The following DAB2IP variants were observed in gnomAD, a reference collection of about 807,000 sequenced individuals.
DAB2IP encodes the protein DAB2 interacting protein.
Under a neutral mutation model 107.2 loss-of-function variants are expected in DAB2IP, and 28 were observed. That is an observed-to-expected ratio of 0.26 (90% CI 0.19 to 0.36). The LOEUF is 0.36. Among genes scored for constraint, DAB2IP ranks in the 10% least tolerant of loss-of-function variants. The pLI is 1.00. For synonymous variants in DAB2IP, 755 were observed against 706.4 expected (o/e 1.07, Z -1.09); for missense variants, 1,400 against 1,644.7 (o/e 0.85, Z 2.57).
chr9:121,688,280 C>T (rs575070007), intron 2 of DAB2IP, among the ~76,000 whole-genome samples: 11 of 152,346 alleles, frequency 7.2e-5, no homozygotes, highest in African/African-American at 2.2e-4. Flanking sequence ...TTTCCAAAGC[C>T]AGGAGGCCCT....
At position 121,575,156 on chromosome 9, in the gene DAB2IP, G is replaced by A. The variant is rs183632258; in HGVS notation, c.40+7928G>A. 511 of 152,354 alleles carry A rather than the reference G, an allele frequency of 3.4e-3. 13 individuals are homozygous for A. Among genetic ancestry groups the A allele is most frequent in the Admixed American group, 0.031 (480 of 15,282 alleles). 9.4% of individuals were successfully genotyped at this position (152,354 alleles called of 1,614,324 possible). On this transcript the variant is annotated intron_variant, in intron 1 of 16. Transcript: ENST00000259371. ...GGGAGCACCTATGTGCATAGGACGC[G>A]GACATTTCACTTCCCATAGGCTCCT...
chr9:121,760,542 G>A lies in DAB2IP; in HGVS notation c.1170+103G>A, dbSNP rs1311431850. Reference sequence around the variant, plus strand: ...TTTCAGGCCTAACAGAGGCCTTGGAGGCACCGGTCACTACCAGAAGGGCTC... The same window carrying A: ...TTTCAGGCCTAACAGAGGCCTTGGAAGCACCGGTCACTACCAGAAGGGCTC... On this transcript the variant is annotated intron_variant, in intron 6 of 15. Transcript: ENST00000408936. This position sits in a 1 kb window ranked among gnomAD's most constrained non-coding sequence, Gnocchi z 5.9. 7.3e-7 allele frequency: 1 copy of A among 1,373,392 alleles called. No individual in the cohort carries two copies. Among genetic ancestry groups the A allele is most frequent in the Non-Finnish European group, 9.6e-7 (1 of 1,040,674 alleles). 85.1% of individuals were successfully genotyped at this position (1,373,392 alleles called of 1,614,324 possible).
intron 3 of DAB2IP, among the ~76,000 whole-genome samples, chr9:121,706,793 A>G (rs946791308): frequency 6.6e-6 from 1 of 152,204 alleles, no homozygotes; most frequent in African/African-American, 2.4e-5. Flanking sequence ...TTGTGTATAC[A>G]GGCCATGCCA....
chr9:121,662,354 T>TG lies in DAB2IP; in HGVS notation c.124+10455_124+10456insG, dbSNP rs1170180182. On this transcript the variant is annotated intron_variant, in intron 1 of 15. Transcript: ENST00000408936. The surrounding 1 kb of genome is among the most constrained non-coding windows in gnomAD (Gnocchi z 4.6). ...TGGCCAAACCCAGCCCCTCATCTGT[T>TG]TCTGTATGACTTGTGAGCCAAGAAT... Among the ~76,000 whole-genome samples, 26 of 152,198 alleles carry TG rather than the reference T, an allele frequency of 1.7e-4. No homozygotes were observed. The highest frequency in any genetic ancestry group is 6.3e-4 in the African/African-American group (26 of 41,442).
intron 3 of DAB2IP, among the ~76,000 whole-genome samples, chr9:121,700,462 A>T (rs1275009656): frequency 6.6e-6 from 1 of 152,144 alleles, no homozygotes; most frequent in East Asian, 1.9e-4. Flanking sequence ...GTGGAGGTGA[A>T]AGTACGGGCA....
chr9:121,646,266 C>T (rs1233300189), intron 1 of DAB2IP, among the ~76,000 whole-genome samples: 1 of 152,092 alleles, frequency 6.6e-6, no homozygotes, highest in African/African-American at 2.4e-5. Context: ...GTGGTGGTCG[C>T]CTGGCTAGCC....
intron 3 of DAB2IP, among the ~76,000 whole-genome samples, chr9:121,716,192 C>A (rs1041399175): frequency 8.5e-5 from 13 of 152,178 alleles, no homozygotes; most frequent in Non-Finnish European, 1.6e-4. Flanking sequence ...GGGTCACAGG[C>A]CTCCAAGGGA....
intron 3 of DAB2IP, chr9:121,737,176 T>TCTGTGCTCTGGCCTGCA: frequency 1.1e-6 from 1 of 921,158 alleles, no homozygotes; most frequent in Non-Finnish European, 1.3e-6. Flanking sequence ...GACCCAGACC[T>TCTGTGCTCTGGCCTGCA]CTGTGCTCTG....
chr9:121,672,639 T>C (rs1380461881), intron 1 of DAB2IP, among the ~76,000 whole-genome samples: 2 of 152,198 alleles, frequency 1.3e-5, no homozygotes, highest in East Asian at 1.9e-4. Context: ...GCTGGTCCCA[T>C]GGCCTAATTT....
intron 1 of DAB2IP, 60 bp from the exon 2 acceptor site, chr9:121,678,618 G>T: frequency 7.4e-7 from 1 of 1,351,372 alleles, no homozygotes; most frequent in Non-Finnish European, 9.8e-7. Context: ...GTGGCAGGAG[G>T]CCCTAGCTGT....
At chr9:121,755,241 T>TGGTGTGGC (rs761074185) in intron 3 of DAB2IP, among the ~76,000 whole-genome samples, 10 of 151,708 alleles carry the variant, frequency 6.6e-5, no homozygotes, top group Admixed American at 3.3e-4. Flanking sequence ...TGTGATGTGG[T>TGGTGTGGC]GGTGTGGCGG....
At chr9:121,691,671 G>T (rs115182502) in intron 2 of DAB2IP, among the ~76,000 whole-genome samples, 6,239 of 152,252 alleles carry the variant, frequency 0.041, 264 homozygotes, top group African/African-American at 0.096. Context: ...TTACAGAAGA[G>T]GACACAGGCA....
At chr9:121,723,954 G>A (rs1167506089) in intron 3 of DAB2IP, among the ~76,000 whole-genome samples, 1 of 152,162 alleles carries the variant, frequency 6.6e-6, no homozygotes, top group Non-Finnish European at 1.5e-5. Context: ...TTCTCTGAGA[G>A]TCTGCCTGAC....
chr9:121,576,550 C>T (rs1830061043), intron 1 of DAB2IP, among the ~76,000 whole-genome samples: 1 of 152,144 alleles, frequency 6.6e-6, no homozygotes, highest in African/African-American at 2.4e-5. Flanking sequence ...TGCTATCCCA[C>T]TGCACTTTGA....
chr9:121,694,219 C>A (rs576684535), intron 2 of DAB2IP, among the ~76,000 whole-genome samples: 2 of 152,144 alleles, frequency 1.3e-5, no homozygotes, highest in African/African-American at 4.8e-5. Context: ...GGAGTCCCCA[C>A]GCTGCCCATC....
Position 121,712,423 on chromosome 9 carries a change from A to T in DAB2IP, c.362+12965A>T, listed in dbSNP as rs142340425. ...GCAGCAGGTAAGAGCAATGAGGGCCAGTTTTCAGACAAGTAGGGGAGGGGG... is the reference window on the plus strand; with the variant it reads ...GCAGCAGGTAAGAGCAATGAGGGCCTGTTTTCAGACAAGTAGGGGAGGGGG... On this transcript the variant is annotated intron_variant, in intron 3 of 15. Coordinates refer to ENST00000408936, the Ensembl canonical transcript of DAB2IP. 2.3e-3 allele frequency among the ~76,000 whole-genome samples: 355 copies of T among 152,322 alleles called. 3 individuals are homozygous for T. Among genetic ancestry groups the T allele is most frequent in the African/African-American group, 8.3e-3 (343 of 41,572 alleles).
chr9:121,697,357 C>T (rs76664767), intron 2 of DAB2IP, among the ~76,000 whole-genome samples: 3,673 of 152,296 alleles, frequency 0.024, 162 homozygotes, highest in African/African-American at 0.084. Context: ...GGTACAAGCC[C>T]ATTGGGATAA....
intron 3 of DAB2IP, among the ~76,000 whole-genome samples, chr9:121,728,268 C>G (rs1831343938): frequency 6.6e-6 from 1 of 152,140 alleles, no homozygotes; most frequent in African/African-American, 2.4e-5. Flanking sequence ...GTTGATGCCC[C>G]TGGTTCTAAG....
rs1010188400 is a variant in DAB2IP at position 121,773,754 on chromosome 9, A to G, written c.2967+259A>G. 4.6e-5 allele frequency among the ~76,000 whole-genome samples: 7 copies of G among 152,258 alleles called. No homozygotes were observed. In the East Asian group the frequency reaches 7.7e-4, roughly 17 times the overall value. On this transcript the variant is annotated intron_variant, in intron 12 of 15. Coordinates refer to ENST00000408936, the Ensembl canonical transcript of DAB2IP. ...TAGGGGCAGGCTGGGGTCAGAGAGA[A>G]AGAGGAGGAGAGTGCATTCATCTTC...
Sources: gnomAD v4.1 joint callset for allele counts (sites outside exome capture counted in the v4.1 genomes callset) on GRCh38, gnomAD v4.1.1 for gene constraint, Gnocchi (gnomAD v3.1) non-coding constraint, MANE v1.5 for transcripts, NCBI Gene and HGNC (gene_info 2026-07-23, HGNC 2026-07-21) for gene names.